ADAMTSL1: variants seen among roughly 807,000 people sequenced by gnomAD.
The protein encoded by ADAMTSL1 is ADAMTS like 1, also known as ADAMTS-like protein 1.
A neutral mutation model predicts 201.8 loss-of-function variants in ADAMTSL1; 126 were observed. The ratio of observed to expected loss-of-function variants is 0.62; its 90% CI spans 0.54 to 0.72. The LOEUF is 0.72. ADAMTSL1 is among the 30% of genes least tolerant of loss of function. The pLI, the probability that ADAMTSL1 is intolerant of heterozygous loss-of-function variation, is 0.00. For synonymous variants in ADAMTSL1, 1,121 were observed against 903.4 expected (o/e 1.24, Z -4.32); for missense variants, 2,679 against 2,277.8 (o/e 1.18, Z -3.59).
chr9:18,538,487 A>T (rs1819933795), intron 3 of ADAMTSL1, among the ~76,000 whole-genome samples: 1 of 152,166 alleles, frequency 6.6e-6, no homozygotes, highest in South Asian at 2.1e-4. Context: ...CTTAAGAAGT[A>T]TCATATCTGG....
chr9:18,724,406 A>G (rs1817741645), intron 15 of ADAMTSL1, among the ~76,000 whole-genome samples: 1 of 152,230 alleles, frequency 6.6e-6, no homozygotes, highest in Non-Finnish European at 1.5e-5. Context: ...GGATTGTTTC[A>G]GAAGCACATG....
chr9:18,716,021 A>C lies in ADAMTSL1; in HGVS notation c.1877-5515A>C, dbSNP rs1000314071. Among the ~76,000 whole-genome samples the C allele has an allele frequency of 1.9e-4, 28 of 150,650 alleles. 1 individual carries two copies. The highest frequency in any genetic ancestry group is 6.1e-4 in the African/African-American group (25 of 41,070). On this transcript the variant is annotated intron_variant, in intron 14 of 28. Coordinates refer to ENST00000380548, the MANE Select transcript of ADAMTSL1 (RefSeq NM_001040272.6). The stretch of plus-strand genomic sequence containing the variant: ...CTATTTAATAAATGGTGCTGGGAAA[A>C]CTGGCTAGCCATATGTAGAAAGCTG...
chr9:18,574,284 CT>C lies in ADAMTSL1; in HGVS notation c.474+19del, dbSNP rs761560812. 1.8e-5 allele frequency: 28 copies of C among 1,595,906 alleles called. No homozygotes were observed. In the South Asian group the frequency reaches 3.1e-4, roughly 18 times the overall value. On this transcript the variant is annotated intron_variant, in intron 4 of 28. Coordinates refer to ENST00000380548, the MANE Select transcript of ADAMTSL1 (RefSeq NM_001040272.6). ...TATGCCAAGTAAGTGCTGATTTGTT[CT>C]CATTCAACTTGTCCAGAGGGTTTCA...
At chr9:18,763,352 A>AT (rs571448491) in intron 16 of ADAMTSL1, among the ~76,000 whole-genome samples, 305 of 151,988 alleles carry the variant, frequency 2.0e-3, no homozygotes, top group African/African-American at 6.8e-3. Context: ...TGATTATTAG[A>AT]TTTTTTTCCT....
chr9:18,501,579 T>C (rs1587389875), intron 1 of ADAMTSL1, among the ~76,000 whole-genome samples: 2 of 151,622 alleles, frequency 1.3e-5, no homozygotes, highest in East Asian at 3.9e-4. Context: ...ACAAAATTTG[T>C]TTATAGTGAA....
chr9:18,102,833 T>C (rs562293260), intron 1 of ADAMTSL1, among the ~76,000 whole-genome samples: 11 of 152,296 alleles, frequency 7.2e-5, no homozygotes, highest in African/African-American at 2.6e-4. Context: ...ACAGGGAGTT[T>C]TCAAAAGTTT....
At chr9:17,912,561 A>T in intron 1 of ADAMTSL1, among the ~76,000 whole-genome samples, 1 of 69,384 alleles carries the variant, frequency 1.4e-5, no homozygotes, top group African/African-American at 3.1e-5. Flanking sequence ...AATTTGTTTG[A>T]GTTCATTGTA....
intron 4 of ADAMTSL1, among the ~76,000 whole-genome samples, chr9:18,587,274 C>T (rs1823565660): frequency 6.6e-6 from 1 of 151,772 alleles, no homozygotes; most frequent in African/African-American, 2.4e-5. Flanking sequence ...CCCAAGAAAC[C>T]CCATTAAAAA....
rs575410828 is a variant in ADAMTSL1, at chr9:18,762,595, C to G, written c.2218-8007C>G. Among the ~76,000 whole-genome samples, 11 of 152,182 alleles carry G rather than the reference C, an allele frequency of 7.2e-5. No homozygotes were observed. The East Asian group carries it at 1.4e-3, about 19-fold the overall frequency. On this transcript the variant is annotated intron_variant, in intron 16 of 28. Transcript: ENST00000380548. ...GTGCTATCAAATAGTAGGTCTTATT[C>G]TATTACATATTTTCATACCTATTAT...
intron 20 of ADAMTSL1, among the ~76,000 whole-genome samples, chr9:18,797,642 A>G (rs1822511733): frequency 6.6e-6 from 1 of 152,164 alleles, no homozygotes; most frequent in Non-Finnish European, 1.5e-5. Context: ...GGCATTTCTA[A>G]GTTTTATTGC....
At chr9:18,146,336 G>T (rs761909464) in intron 1 of ADAMTSL1, among the ~76,000 whole-genome samples, 2 of 152,048 alleles carry the variant, frequency 1.3e-5, no homozygotes, top group Non-Finnish European at 2.9e-5. Context: ...ATCAAAAATC[G>T]CAAGAAACCA....
chr9:18,009,441 C>T (rs540144464), intron 1 of ADAMTSL1, among the ~76,000 whole-genome samples: 23 of 152,150 alleles, frequency 1.5e-4, no homozygotes, highest in African/African-American at 5.5e-4. Flanking sequence ...CTGTCTTATT[C>T]ACTGCTGTAC....
chr9:17,972,320 CAAGCTACAACAGT>C (rs1818240807), intron 1 of ADAMTSL1, among the ~76,000 whole-genome samples: 46 of 71,832 alleles, frequency 6.4e-4, no homozygotes, highest in Non-Finnish European at 9.8e-4. Flanking sequence ...CCCCTCCCCC[CAAGCTACAACAGT>C]CCCCGGTGTG....
At chr9:18,617,966 C>T (rs1825806428) in intron 4 of ADAMTSL1, among the ~76,000 whole-genome samples, 1 of 152,132 alleles carries the variant, frequency 6.6e-6, no homozygotes, top group Non-Finnish European at 1.5e-5. Context: ...AAAAAAATTT[C>T]ATGCAGTTGC....
chr9:18,602,365 C>T (rs1341899171), intron 4 of ADAMTSL1, among the ~76,000 whole-genome samples: 1 of 152,214 alleles, frequency 6.6e-6, no homozygotes, highest in Non-Finnish European at 1.5e-5. Context: ...CAAAAGTTCA[C>T]CAGGGTTCAA....
At chr9:18,781,453 A>G (rs1189492001) in intron 19 of ADAMTSL1, among the ~76,000 whole-genome samples, 1 of 152,214 alleles carries the variant, frequency 6.6e-6, no homozygotes, top group Non-Finnish European at 1.5e-5. Context: ...TGGCTGTTCA[A>G]TAAGAAATAC....
At chr9:18,036,421 G>A (rs149962962) in intron 1 of ADAMTSL1, among the ~76,000 whole-genome samples, 65 of 152,230 alleles carry the variant, frequency 4.3e-4, no homozygotes, top group African/African-American at 1.5e-3. Flanking sequence ...CATTAGACTG[G>A]ATAAATACTT....
At chr9:18,012,479 G>C (rs1478650699) in intron 1 of ADAMTSL1, among the ~76,000 whole-genome samples, 1 of 152,062 alleles carries the variant, frequency 6.6e-6, no homozygotes, top group African/African-American at 2.4e-5. Context: ...ATGTAAAGTG[G>C]AGGCTACTTG....
chr9:18,576,172 G>T (rs189197735), intron 4 of ADAMTSL1, among the ~76,000 whole-genome samples: 16 of 152,036 alleles, frequency 1.1e-4, no homozygotes, highest in African/African-American at 3.9e-4. Context: ...TAACTTATAC[G>T]TAGAAATAAT....
Sources: gnomAD v4.1 joint callset for allele counts (sites outside exome capture counted in the v4.1 genomes callset) on GRCh38, gnomAD v4.1.1 for gene constraint, MANE v1.5 for transcripts, NCBI Gene and HGNC (gene_info 2026-07-23, HGNC 2026-07-21) for gene names.